The following SPHK2 variants were observed in gnomAD, a reference collection of about 807,000 sequenced individuals.
SPHK2 encodes sphingosine kinase 2.
A neutral mutation model predicts 32.3 loss-of-function variants in SPHK2; 18 were observed. That is an observed-to-expected ratio of 0.56 (90% CI 0.39 to 0.83). The LOEUF (loss-of-function observed/expected upper bound fraction) is 0.83. Ranked by LOEUF, SPHK2 falls within the 40% of genes least tolerant of loss-of-function variation. The probability of loss-of-function intolerance (pLI) is 0.00; values close to 1 mark genes in which losing one functional copy is unlikely to be tolerated. For missense variants in SPHK2, 850 were observed against 908.7 expected (o/e 0.94, Z 0.83); for synonymous variants, 462 against 417.6 (o/e 1.11, Z -1.30).
Position 48,628,470 on chromosome 19 carries a change from C to A in SPHK2, c.872+193C>A. The A allele has an allele frequency of 1.1e-6, 1 of 892,488 alleles. No homozygotes were observed. Among genetic ancestry groups the A allele is most frequent in the Non-Finnish European group, 1.9e-6 (1 of 536,074 alleles). 55.3% of individuals were successfully genotyped at this position (892,488 alleles called of 1,614,324 possible). A position where few individuals can be genotyped will look rare whatever the true frequency, so the allele number is the denominator to read the frequency against. ...CCCGAGCGCCCAGAACTCTGCCTGG[C>A]ATGGGAGGCACTCAGTGAATTGTAG... On this transcript the variant is annotated intron_variant, in intron 6 of 6. Transcript: ENST00000245222. This position sits in a 1 kb window ranked among gnomAD's most constrained non-coding sequence, Gnocchi z 5.2.
Position 48,629,973 on chromosome 19 carries a change from C to T in SPHK2, c.*200C>T, listed in dbSNP as rs528597852. On this transcript the variant is annotated 3_prime_UTR_variant, in exon 7 of 7. Transcript: ENST00000245222. ...ACGGTTAAAGAGAAATGGGCTCGTC[C>T]CGAGGGTAGTGCCTGATCAATGAGG... The T allele has an allele frequency of 7.1e-7, 1 of 1,406,498 alleles. No individual in the cohort carries two copies. The highest frequency in any genetic ancestry group is 1.7e-5 in the South Asian group (1 of 58,764). 87.1% of individuals were successfully genotyped at this position (1,406,498 alleles called of 1,614,324 possible).
intron 2 of SPHK2, among the ~76,000 whole-genome samples, chr19:48,622,759 T>G (rs866846813): frequency 7.5e-6 from 1 of 133,032 alleles, no homozygotes; most frequent in Admixed American, 7.5e-5. Context: ...TTGTCTCTCT[T>G]TTTTTTTTTT....
At chr19:48,627,292 A>G (rs146227177) in intron 3 of SPHK2, among the ~76,000 whole-genome samples, 71 of 152,366 alleles carry the variant, frequency 4.7e-4, no homozygotes, top group Non-Finnish European at 8.2e-4. Context: ...AGCCTGAGAC[A>G]GGACCAGGTA....
At position 48,627,962 on chromosome 19, in the gene SPHK2, T is replaced by G; in HGVS notation, c.662-13T>G. 6.4e-7 allele frequency: 1 copy of G among 1,573,658 alleles called. No homozygotes were observed. The highest frequency in any genetic ancestry group is 2.3e-5 in the East Asian group (1 of 44,404). On this transcript the variant is annotated splice_polypyrimidine_tract_variant and intron_variant, in intron 4 of 6. Coordinates refer to ENST00000245222, the MANE Select transcript of SPHK2 (RefSeq NM_020126.5). The stretch of plus-strand genomic sequence containing the variant: ...TGGGACAGCCTGCCTAACAGCCCGG[T>G]ATCCCACTTCAGAACGACAGAACCA...
In SPHK2 at chr19:48,627,836, A is replaced by G. The variant is rs759161904; in HGVS notation, c.656A>G (p.Gln219Arg). 6.2e-7 allele frequency: 1 copy of G among 1,610,908 alleles called. No individual in the cohort carries two copies. ...SEAGLSFNLI[Q>R]TERQNHAREL... Reference sequence around the variant, plus strand: ...GCTGGGCTGTCCTTCAACCTCATCCAGACAGGTAAGGGCCAGTGAGAATGG... The same window carrying G: ...GCTGGGCTGTCCTTCAACCTCATCCGGACAGGTAAGGGCCAGTGAGAATGG... The change falls in exon 4 of 7, where the codon CAG becomes CGG. Residue 219 changes from glutamine to arginine, a missense_variant. This residue lies in a region of SPHK2 where 544 missense variants were observed against 640.0 expected (regional missense o/e 0.85). Coordinates refer to ENST00000245222, the MANE Select transcript of SPHK2 (RefSeq NM_020126.5).
intron 2 of SPHK2, chr19:48,623,538 A>C (rs576023665): frequency 2.4e-4 from 36 of 152,318 alleles, no homozygotes; most frequent in African/African-American, 7.7e-4. Context: ...CAACATCTTC[A>C]CTTTCTGTCC....
chr19:48,626,348 T>G lies in SPHK2; in HGVS notation c.497T>G (p.Leu166Arg), dbSNP rs373696806. ...ACCTGTCTGCTCCGAGGACTGCCACTGCCCGGGGATGGGGGTGAGGTGCTG... is the reference window on the plus strand; with the variant it reads ...ACCTGTCTGCTCCGAGGACTGCCACGGCCCGGGGATGGGGGTGAGGTGCTG... Reference protein sequence around the residue: ...ALTCLLRGLPLPGDGEITPDL... With the variant: ...ALTCLLRGLPRPGDGEITPDL... Residue 166 changes from leucine (L) to arginine (R), a missense_variant, in exon 3 of 7, where the codon CTG becomes CGG. Transcript: ENST00000245222. 2.9e-4 allele frequency: 456 copies of G among 1,585,726 alleles called. 4 individuals carry two copies. The South Asian group carries it at 4.9e-3, about 17-fold the overall frequency.
Position 48,630,260 on chromosome 19 carries a change from C to CTAGGAT in SPHK2, c.*489_*494dup. The CTAGGAT allele has an allele frequency of 7.8e-7, 1 of 1,283,934 alleles. No individual in the cohort carries two copies. Among genetic ancestry groups the CTAGGAT allele is most frequent in the Non-Finnish European group, 9.8e-7 (1 of 1,016,214 alleles). The allele number at this position is 1,283,934 out of a possible 1,614,324, so 79.5% of individuals were successfully genotyped here. A position where few individuals can be genotyped will look rare whatever the true frequency, so the allele number is the denominator to read the frequency against. On this transcript the variant is annotated 3_prime_UTR_variant, in exon 7 of 7. Coordinates refer to ENST00000245222, the MANE Select transcript of SPHK2 (RefSeq NM_020126.5). The surrounding 1 kb of genome is among the most constrained non-coding windows in gnomAD (Gnocchi z 4.9). ...AGGGGCAGGTTCCCCGGGGCCGGCG[C>CTAGGAT]TAGGATTTGCACTAATGTTCCTCTC...
intron 2 of SPHK2, among the ~76,000 whole-genome samples, chr19:48,622,477 G>T (rs1284877440): frequency 2.6e-5 from 4 of 152,092 alleles, no homozygotes; most frequent in Non-Finnish European, 5.9e-5. Flanking sequence ...GTGTGTGTGA[G>T]CTGCAGGGTC....
intron 3 of SPHK2, 59 bp downstream of exon 3, chr19:48,626,421 C>A (rs890574958): frequency 1.0e-5 from 15 of 1,478,340 alleles, no homozygotes; most frequent in Middle Eastern, 1.9e-4. Flanking sequence ...GCAGAATTTC[C>A]TCCATAGGCA....
chr19:48,622,044 A>C (rs1974424854), intron 2 of SPHK2, among the ~76,000 whole-genome samples: 1 of 152,064 alleles, frequency 6.6e-6, no homozygotes, highest in African/African-American at 2.4e-5. Flanking sequence ...TCACGAGGTC[A>C]GGAGATCGAG....
intron 2 of SPHK2, chr19:48,623,490 C>G (rs1014369695): frequency 2.0e-5 from 3 of 152,272 alleles, no homozygotes; most frequent in Non-Finnish European, 2.9e-5. Flanking sequence ...ACTTGCCTTT[C>G]TTTCAATTTC....
rs531500911 is a variant in SPHK2, at chr19:48,628,218, G to A, written c.813G>A (p.Val271=). 6.2e-7 allele frequency: 1 copy of A among 1,613,800 alleles called. No homozygotes were observed. Among genetic ancestry groups the A allele is most frequent in the South Asian group, 1.1e-5 (1 of 91,076 alleles). Residue 271 remains valine (V), a synonymous_variant, in exon 6 of 7, where the codon GTG becomes GTA. Coordinates refer to ENST00000245222, the MANE Select transcript of SPHK2 (RefSeq NM_020126.5). This position sits in a 1 kb window ranked among gnomAD's most constrained non-coding sequence, Gnocchi z 5.2. ...PDWEEAVKMP[V]GILPCGSGNA... ...GGGAGGAAGCTGTGAAGATGCCTGT[G>A]GGCATCCTCCCCTGCGGCTCGGGCA...
In SPHK2 at chr19:48,628,633, CCT is replaced by C. The variant is rs758804734; in HGVS notation, c.873-47_873-46del. The C allele has an allele frequency of 1.5e-4, 239 of 1,592,276 alleles. No homozygotes were observed. Among genetic ancestry groups the C allele is most frequent in the Admixed American group, 5.2e-4 (31 of 59,656 alleles). ...TTCCTACCTGTCTCTTTCCCCAACC[CCT>C]GTTTGCTCCTTCCTTCTGTGTGTCC... On this transcript the variant is annotated intron_variant, in intron 6 of 6. Coordinates refer to ENST00000245222, the MANE Select transcript of SPHK2 (RefSeq NM_020126.5). This position sits in a 1 kb window ranked among gnomAD's most constrained non-coding sequence, Gnocchi z 5.2.
chr19:48,628,213 C>G lies in SPHK2; in HGVS notation c.808C>G (p.Pro270Ala), dbSNP rs750974721. 14 of 1,613,824 alleles carry G rather than the reference C, an allele frequency of 8.7e-6. No homozygotes were observed. The highest frequency in any genetic ancestry group is 1.1e-5 in the Non-Finnish European group (13 of 1,179,972). Residue 270 changes from proline (P) to alanine (A), a missense_variant, in exon 6 of 7, where the codon CCT (proline) becomes GCT (alanine). Transcript: ENST00000245222. This position sits in a 1 kb window ranked among gnomAD's most constrained non-coding sequence, Gnocchi z 5.2. ...RPDWEEAVKMPVGILPCGSGN... is the reference protein window; with the variant it reads ...RPDWEEAVKMAVGILPCGSGN... ...TGACTGGGAGGAAGCTGTGAAGATG[C>G]CTGTGGGCATCCTCCCCTGCGGCTC...
intron 2 of SPHK2, 78 bp downstream of exon 2, chr19:48,620,631 A>G: frequency 7.3e-7 from 1 of 1,377,306 alleles, no homozygotes; most frequent in Non-Finnish European, 9.9e-7. Flanking sequence ...AAAAAAAAAA[A>G]AAAAATTGGA....
intron 4 of SPHK2, 30 bp downstream of exon 4, chr19:48,627,871 G>A (rs758489935): frequency 1.9e-6 from 3 of 1,596,690 alleles, no homozygotes; most frequent in Admixed American, 3.4e-5. Flanking sequence ...GGAGCTGGGG[G>A]CTGGGACAGC....
Position 48,628,693 on chromosome 19 carries a change from C to T in SPHK2, c.885C>T (p.Ala295=), listed in dbSNP as rs2030237755. The T allele has an allele frequency of 5.6e-6, 9 of 1,611,372 alleles. No individual in the cohort carries two copies. The highest frequency in any genetic ancestry group is 2.2e-5 in the South Asian group (2 of 91,082). ...AVNQHGGFEP[A]LGLDLLLNCS... is the part of the protein sequence containing the mutation. The stretch of plus-strand genomic sequence containing the variant: ...TCCGGCTGTGAAGATTTGAGCCAGC[C>T]CTGGGCCTCGACCTGTTGCTCAACT... Residue 295 remains alanine, a synonymous_variant, in exon 7 of 7, where the codon GCC becomes GCT. Coordinates refer to ENST00000245222, the MANE Select transcript of SPHK2 (RefSeq NM_020126.5). The surrounding 1 kb of genome is among the most constrained non-coding windows in gnomAD (Gnocchi z 5.2).
chr19:48,628,222 A>G lies in SPHK2; in HGVS notation c.817A>G (p.Ile273Val), dbSNP rs1341883417. Reference protein sequence around the residue: ...WEEAVKMPVGILPCGSGNALA... With the variant: ...WEEAVKMPVGVLPCGSGNALA... ...GGAAGCTGTGAAGATGCCTGTGGGCATCCTCCCCTGCGGCTCGGGCAACGC... is the reference window on the plus strand; with the variant it reads ...GGAAGCTGTGAAGATGCCTGTGGGCGTCCTCCCCTGCGGCTCGGGCAACGC... Residue 273 changes from isoleucine to valine, a missense_variant, in exon 6 of 7, where the codon ATC becomes GTC. Transcript: ENST00000245222. The surrounding 1 kb of genome is among the most constrained non-coding windows in gnomAD (Gnocchi z 5.2). 3 of 1,613,626 alleles carry G rather than the reference A, an allele frequency of 1.9e-6. No individual in the cohort carries two copies. The highest frequency in any genetic ancestry group is 2.5e-6 in the Non-Finnish European group (3 of 1,179,960).
Sources: gnomAD v4.1 joint callset for allele counts (sites outside exome capture counted in the v4.1 genomes callset) on GRCh38, gnomAD v4.1.1 for gene constraint, gnomAD v4.1.1 regional missense constraint, Gnocchi (gnomAD v3.1) non-coding constraint, MANE v1.5 for transcripts, NCBI Gene and HGNC (gene_info 2026-07-23, HGNC 2026-07-21) for gene names.